ADORA2B: variants seen among roughly 807,000 people sequenced by gnomAD.
ADORA2B encodes adenosine A2b receptor, also known as adenosine receptor A2b.
ADORA2B carries 18 observed loss-of-function variants against 20.8 expected under a neutral mutation model. The observed-to-expected ratio is 0.87, with a 90% CI of 0.60 to 1.29. ADORA2B has a LOEUF of 1.29. Ranked by LOEUF, ADORA2B falls within the 50% of genes most tolerant of loss-of-function variation. The pLI is 0.00. For missense variants in ADORA2B, 441 were observed against 422.7 expected (o/e 1.04, Z -0.38); for synonymous variants, 179 against 178.3 (o/e 1.00, Z -0.03).
rs1350124892 is a variant in ADORA2B at position 15,945,515 on chromosome 17, G to C, written c.267G>C (p.Thr89=). Residue 89 remains threonine (T), a synonymous_variant, in exon 1 of 2, where the codon ACG becomes ACC. Transcript: ENST00000304222. The part of the protein sequence containing the change: ...LFLACFVLVL[T]QSSIFSLLAV... ...TCGCCTGCTTCGTGCTGGTGCTCAC[G>C]CAGAGCTCCATCTTCAGCCTTCTGG... is the stretch of plus-strand genomic sequence containing the variant. The C allele has an allele frequency of 2.5e-6, 4 of 1,608,014 alleles. No individual in the cohort carries two copies. The highest frequency in any genetic ancestry group is 3.4e-6 in the Non-Finnish European group (4 of 1,178,060).
chr17:15,938,694 TG>T, the ADORA2B span, among the ~76,000 whole-genome samples: 12 of 152,232 alleles, frequency 7.9e-5, no homozygotes, highest in African/African-American at 2.9e-4. Flanking sequence ...TTAGCATCTC[TG>T]GTCTCTGTCC....
chr17:15,938,145 C>T, the ADORA2B span, among the ~76,000 whole-genome samples: 1 of 149,710 alleles, frequency 6.7e-6, no homozygotes, highest in Admixed American at 6.7e-5. Flanking sequence ...TGGAGTTCTG[C>T]CTGGCAACAG....
the ADORA2B span, among the ~76,000 whole-genome samples, chr17:15,929,157 T>C: frequency 6.7e-6 from 1 of 148,990 alleles, no homozygotes; most frequent in African/African-American, 2.5e-5. Flanking sequence ...GATGTAGAGG[T>C]TTTATGATGA....
At chr17:15,901,857 A>C in the ADORA2B span, among the ~76,000 whole-genome samples, 6 of 152,210 alleles carry the variant, frequency 3.9e-5, no homozygotes, top group Non-Finnish European at 8.8e-5. Context: ...AAGAAGTTTT[A>C]TCTTGTTTTT....
At chr17:15,917,581 C>T in the ADORA2B span, among the ~76,000 whole-genome samples, 1 of 152,226 alleles carries the variant, frequency 6.6e-6, no homozygotes, top group Non-Finnish European at 1.5e-5. Context: ...TGGAGGGCTC[C>T]CCTAGGCGGG....
the ADORA2B span, among the ~76,000 whole-genome samples, chr17:15,934,974 T>G: frequency 3.3e-5 from 5 of 151,882 alleles, no homozygotes; most frequent in Admixed American, 6.6e-5. Context: ...GCCACCTAAT[T>G]TTTGTATTTT....
At chr17:15,967,122 G>A (rs1970130265) in intron 1 of ADORA2B, among the ~76,000 whole-genome samples, 1 of 152,194 alleles carries the variant, frequency 6.6e-6, no homozygotes, top group Non-Finnish European at 1.5e-5. Context: ...AGCAGGAAGT[G>A]GGAAAGGAGA....
chr17:15,949,892 C>G (rs1969874601), intron 1 of ADORA2B, among the ~76,000 whole-genome samples: 1 of 152,122 alleles, frequency 6.6e-6, no homozygotes, highest in Non-Finnish European at 1.5e-5. Context: ...AGGAAGATTT[C>G]TGGCTCTGGG....
At chr17:15,936,517 A>C in the ADORA2B span, among the ~76,000 whole-genome samples, 11 of 151,804 alleles carry the variant, frequency 7.2e-5, no homozygotes. Flanking sequence ...ACAGGATTTC[A>C]CCATGTTGGT....
chr17:15,961,160 CTG>C (rs1567780994), intron 1 of ADORA2B, among the ~76,000 whole-genome samples: 1 of 54,000 alleles, frequency 1.9e-5, no homozygotes, highest in African/African-American at 5.1e-5. Context: ...GAGCGAGACT[CTG>C]TCAAAAAAAA....
the ADORA2B span, among the ~76,000 whole-genome samples, chr17:15,867,758 C>T: frequency 1.4e-5 from 2 of 146,094 alleles, no homozygotes; most frequent in Non-Finnish European, 3.0e-5. Context: ...AAGTGAGGAG[C>T]CCCTCTGCCC....
At chr17:15,878,214 C>CACACA in the ADORA2B span, among the ~76,000 whole-genome samples, 2 of 143,474 alleles carry the variant, frequency 1.4e-5, no homozygotes, top group South Asian at 4.4e-4. Context: ...CACACACACA[C>CACACA]ATTATATAAA....
chr17:15,911,834 CAGG>C, the ADORA2B span, among the ~76,000 whole-genome samples: 1 of 152,124 alleles, frequency 6.6e-6, no homozygotes, highest in Non-Finnish European at 1.5e-5. Flanking sequence ...GAGGCCGAGG[CAGG>C]AGGACTGCTT....
At chr17:15,916,950 C>G in the ADORA2B span, among the ~76,000 whole-genome samples, 6 of 152,220 alleles carry the variant, frequency 3.9e-5, no homozygotes, top group Non-Finnish European at 5.9e-5. Flanking sequence ...CCAAAGCCTG[C>G]ACTCCTAGCC....
chr17:15,853,618 A>G, the ADORA2B span, among the ~76,000 whole-genome samples: 1 of 152,230 alleles, frequency 6.6e-6, no homozygotes, highest in Non-Finnish European at 1.5e-5. Flanking sequence ...CTAAACTGAC[A>G]TAAAAAGTAG....
the ADORA2B span, among the ~76,000 whole-genome samples, chr17:15,901,767 G>A: frequency 6.6e-6 from 1 of 152,100 alleles, no homozygotes; most frequent in African/African-American, 2.4e-5. Flanking sequence ...TCGAGCACAT[G>A]CCCTATTATA....
the ADORA2B span, among the ~76,000 whole-genome samples, chr17:15,912,214 C>CAA: frequency 0.015 from 1,158 of 75,878 alleles, 30 homozygotes; most frequent in African/African-American, 0.054. Context: ...GACTCTGTCT[C>CAA]AAAAAAAAAA....
chr17:15,880,830 A>G, the ADORA2B span, among the ~76,000 whole-genome samples: 3 of 152,352 alleles, frequency 2.0e-5, no homozygotes, highest in Non-Finnish European at 2.9e-5. Context: ...ATGGCCAAGC[A>G]GAACTACTTA....
the ADORA2B span, among the ~76,000 whole-genome samples, chr17:15,904,516 T>C: frequency 6.6e-5 from 10 of 151,016 alleles, no homozygotes; most frequent in African/African-American, 2.4e-4. Context: ...GCCTCCCGGG[T>C]AACTGGGACT....
Sources: gnomAD v4.1 joint callset for allele counts (sites outside exome capture counted in the v4.1 genomes callset) on GRCh38, gnomAD v4.1.1 for gene constraint, MANE v1.5 for transcripts, NCBI Gene and HGNC (gene_info 2026-07-23, HGNC 2026-07-21) for gene names.